GTF3C2: variants seen among roughly 807,000 people sequenced by gnomAD.
The protein encoded by GTF3C2 is general transcription factor 3C polypeptide 2.
A neutral mutation model predicts 117.4 loss-of-function variants in GTF3C2; 17 were observed. The observed-to-expected ratio is 0.14, with a 90% CI of 0.10 to 0.22. The LOEUF (loss-of-function observed/expected upper bound fraction) is 0.22. Among genes scored for constraint, GTF3C2 ranks in the 10% least tolerant of loss-of-function variants. GTF3C2 has a pLI of 1.00. For missense variants in GTF3C2, 888 were observed against 1,143.6 expected (o/e 0.78, Z 3.22); for synonymous variants, 437 against 427.0 (o/e 1.02, Z -0.29).
At chr2:27,337,709 T>G (rs1468314605) in intron 5 of GTF3C2, 151 bp from the exon 6 acceptor site, 1 of 701,122 alleles carries the variant, frequency 1.4e-6, no homozygotes, top group Non-Finnish European at 2.5e-6. Flanking sequence ...ACCTAAAATG[T>G]GGCTAGCGCA....
intron 4 of GTF3C2, chr2:27,339,603 T>G (rs1414345969): frequency 6.6e-6 from 1 of 151,966 alleles, no homozygotes; most frequent in Non-Finnish European, 1.5e-5. Context: ...GTGAGGCAAG[T>G]AAGGCACTGG....
chr2:27,338,130 C>T, intron 4 of GTF3C2, 110 bp from the exon 5 acceptor site: 4 of 748,416 alleles, frequency 5.3e-6, no homozygotes, highest in Non-Finnish European at 9.8e-6. Context: ...CCTCCCCCTC[C>T]AATCACTGCC....
chr2:27,333,548 C>A, intron 12 of GTF3C2, 107 bp downstream of exon 12: 1 of 607,114 alleles, frequency 1.6e-6, no homozygotes, highest in Non-Finnish European at 2.8e-6. Context: ...TTGAATATTT[C>A]TAACTATATG....
At chr2:27,335,536 C>A in intron 10 of GTF3C2, 62 bp downstream of exon 10, 2 of 944,702 alleles carry the variant, frequency 2.1e-6, no homozygotes, top group East Asian at 2.6e-5. Context: ...GGGAGACAGA[C>A]AGGCCCTGCT....
intron 1 of GTF3C2, among the ~76,000 whole-genome samples, chr2:27,354,028 C>G (rs915626459): frequency 1.5e-5 from 2 of 137,346 alleles, no homozygotes; most frequent in Non-Finnish European, 3.0e-5. Context: ...CAGCCTATAA[C>G]GTATGTATAA....
In GTF3C2 at chr2:27,328,973, A is replaced by G. The variant is rs780501988; in HGVS notation, c.2040-42T>C. 9 of 1,495,690 alleles carry G rather than the reference A, an allele frequency of 6.0e-6. No homozygotes were observed. The East Asian group carries it at 1.6e-4, about 26-fold the overall frequency. The allele number at this position is 1,495,690 out of a possible 1,614,324, so 92.7% of individuals were successfully genotyped here. A position where few individuals can be genotyped will look rare whatever the true frequency, so the allele number is the denominator to read the frequency against. Reference sequence around the variant, plus strand: ...AAATTTAAACCTTCCTTTTCTTTAGATTCATTTCTTCTTCTTAACCTCTTC... The same window carrying G: ...AAATTTAAACCTTCCTTTTCTTTAGGTTCATTTCTTCTTCTTAACCTCTTC... On this transcript the variant is annotated intron_variant, in intron 14 of 18. Transcript: ENST00000264720.
At chr2:27,342,897 T>C (rs766047652) in exon 3 of GTF3C2, 30 of 1,614,054 alleles carry the variant, frequency 1.9e-5, no homozygotes, top group African/African-American at 2.7e-5. Context: ...TCTTTGGAGA[T>C]TGAGATTCTG....
chr2:27,334,591 G>A (rs867276141), intron 10 of GTF3C2, among the ~76,000 whole-genome samples: 3 of 151,512 alleles, frequency 2.0e-5, no homozygotes, highest in South Asian at 2.1e-4. Flanking sequence ...TTCCTTTATT[G>A]ACCACACTTA....
At chr2:27,341,872 C>T (rs926634321) in intron 4 of GTF3C2, 76 bp downstream of exon 4, 2 of 1,270,660 alleles carry the variant, frequency 1.6e-6, no homozygotes, top group East Asian at 4.6e-5. Flanking sequence ...CAAAGCTGTC[C>T]TTCCTTTCTC....
chr2:27,331,803 G>A (rs2148257331), intron 12 of GTF3C2, among the ~76,000 whole-genome samples: 1 of 152,148 alleles, frequency 6.6e-6, no homozygotes, highest in South Asian at 2.1e-4. Context: ...GCCAGGCATT[G>A]TGGCTCGTTC....
chr2:27,334,079 G>A, intron 10 of GTF3C2, 80 bp from the exon 11 acceptor site: 4 of 1,013,554 alleles, frequency 3.9e-6, no homozygotes, highest in African/African-American at 1.6e-5. Flanking sequence ...AGGCCCGAGT[G>A]CAGTGGCATG....
At chr2:27,338,682 A>G (rs1011334663) in intron 4 of GTF3C2, among the ~76,000 whole-genome samples, 4 of 151,048 alleles carry the variant, frequency 2.6e-5, no homozygotes, top group African/African-American at 9.8e-5. Context: ...GACTACAGGC[A>G]CACCCCACTA....
rs1680829660 is a variant in GTF3C2 at position 27,343,870 on chromosome 2, A to AC, written c.-24-293dup. 2.0e-5 allele frequency among the ~76,000 whole-genome samples: 3 copies of AC among 152,084 alleles called. No homozygotes were observed. In the South Asian group the frequency reaches 6.2e-4, roughly 32 times the overall value. On this transcript the variant is annotated intron_variant, in intron 1 of 18. Transcript: ENST00000264720. The stretch of plus-strand genomic sequence containing the variant: ...AGGCTAGCCTGGGCAACACAGCAAG[A>AC]CCCCTTCTCTAGCAAAATAAAATAA...
intron 17 of GTF3C2, 136 bp downstream of exon 17, chr2:27,327,901 C>T (rs1377020118): frequency 6.3e-6 from 4 of 637,448 alleles, no homozygotes; most frequent in Non-Finnish European, 1.1e-5. Flanking sequence ...GCTGGGATTA[C>T]AGGCATGAGC....
chr2:27,333,689 C>G (rs570796218), exon 12 of GTF3C2: 1 of 1,612,246 alleles, frequency 6.2e-7, no homozygotes, highest in East Asian at 2.2e-5. Context: ...GTTGGTGGGG[C>G]CTGGTAGGCA....
chr2:27,339,085 G>A (rs1019308587), intron 4 of GTF3C2, among the ~76,000 whole-genome samples: 3 of 152,074 alleles, frequency 2.0e-5, no homozygotes, highest in Admixed American at 6.6e-5. Context: ...TAGAGCATGA[G>A]GCAAATGGAA....
chr2:27,327,436 C>T (rs184105498), intron 17 of GTF3C2, 152 bp from the exon 18 acceptor site: 4 of 461,044 alleles, frequency 8.7e-6, no homozygotes, highest in East Asian at 7.1e-5. Flanking sequence ...AGTGATTCTC[C>T]GCCTCAGCCT....
In GTF3C2 at chr2:27,337,335, C is replaced by T. The variant is rs763634070; in HGVS notation, c.1036G>A (p.Ala346Thr). The change falls in exon 7 of 19, where the codon GCT (alanine) becomes ACT (threonine). Residue 346 changes from alanine (A) to threonine (T), a missense_variant. Ala to Thr is a moderately conservative substitution (Grantham distance 58). This residue lies in a region of GTF3C2 where 277 missense variants were observed against 445.4 expected (regional missense o/e 0.62). Coordinates refer to ENST00000264720, the Ensembl canonical transcript of GTF3C2. ...TTCTCCTCCTGGGGCAGGTAGGGAGCGGCCTCACTGGGGGAAGACAAAGGG... is the reference window on the plus strand; with the variant it reads ...TTCTCCTCCTGGGGCAGGTAGGGAGTGGCCTCACTGGGGGAAGACAAAGGG... 10 of 1,607,414 alleles carry T rather than the reference C, an allele frequency of 6.2e-6. No homozygotes were observed. The highest frequency in any genetic ancestry group is 2.2e-5 in the East Asian group (1 of 44,864).
chr2:27,348,542 GC>G (rs1177695423), intron 1 of GTF3C2, among the ~76,000 whole-genome samples: 2 of 152,150 alleles, frequency 1.3e-5, no homozygotes, highest in Non-Finnish European at 2.9e-5. Context: ...ACAGGCTCAT[GC>G]CTGTATTCCC....
Sources: gnomAD v4.1 joint callset for allele counts (sites outside exome capture counted in the v4.1 genomes callset) on GRCh38, gnomAD v4.1.1 for gene constraint, gnomAD v4.1.1 regional missense constraint, MANE v1.5 for transcripts, NCBI Gene and HGNC (gene_info 2026-07-23, HGNC 2026-07-21) for gene names.